The following COPS8 variants were observed in gnomAD, a reference collection of about 807,000 sequenced individuals.
COPS8 encodes the protein COP9 signalosome subunit 8.
COPS8 carries 11 observed loss-of-function variants against 31.5 expected under a neutral mutation model. The observed-to-expected ratio is 0.35, with a 90% CI of 0.22 to 0.58. COPS8 has a LOEUF of 0.58. Ranked by LOEUF, COPS8 falls within the 20% of genes least tolerant of loss-of-function variation. The pLI is 0.83. For missense variants in COPS8, 215 were observed against 255.1 expected, an observed-to-expected ratio of 0.84 and a Z score of 1.07; for synonymous variants, 81 against 89.3, an observed-to-expected ratio of 0.91 and a Z score of 0.52.
At chr2:237,097,180 T>A (rs1467023246) in intron 7 of COPS8, among the ~76,000 whole-genome samples, 2 of 151,844 alleles carry the variant, frequency 1.3e-5, no homozygotes, top group Non-Finnish European at 2.9e-5. Context: ...GTGTAGTAAT[T>A]TAAATGTTGG....
intron 4 of COPS8, among the ~76,000 whole-genome samples, chr2:237,092,642 C>T (rs1574837670): frequency 2.6e-5 from 4 of 151,912 alleles, no homozygotes; most frequent in African/African-American, 9.7e-5. Flanking sequence ...GAAAACGTTT[C>T]TTGGTATTGC....
chr2:237,091,255 A>G lies in COPS8; in HGVS notation c.331+1261A>G, dbSNP rs542694984. On this transcript the variant is annotated intron_variant, in intron 4 of 7. Coordinates refer to ENST00000354371, the MANE Select transcript of COPS8 (RefSeq NM_006710.5). ...CCCAGGAAAGGCTATATAGCGTACC[A>G]TGCGGGAGTTTAAGCTCTGGGTCCT... is the stretch of plus-strand genomic sequence containing the variant. Among the ~76,000 whole-genome samples the G allele has an allele frequency of 1.2e-3, 183 of 152,336 alleles. 1 individual carries two copies. The highest frequency in any genetic ancestry group is 4.2e-3 in the African/African-American group (174 of 41,572).
At chr2:237,087,442 T>G (rs1696639736) in intron 2 of COPS8, 1 of 503,098 alleles carries the variant, frequency 2.0e-6, no homozygotes, top group Admixed American at 3.6e-5. Context: ...GTAAATTCAT[T>G]TAACCTTTTT....
Position 237,095,882 on chromosome 2 carries a change from C to T in COPS8, c.500C>T (p.Pro167Leu), listed in dbSNP as rs114346618. Residue 167 changes from proline to leucine, a missense_variant and splice_region_variant, in exon 6 of 8, where the codon CCA becomes CTA. By Grantham distance (98) the Pro-to-Leu change is moderately conservative (BLOSUM62 -3). Transcript: ENST00000354371. ...ACAAGAATGGTTCTGCCCAGAAAGCCAGGTAGGTGGAGCTTTCACCCATTT... is the reference window on the plus strand; with the variant it reads ...ACAAGAATGGTTCTGCCCAGAAAGCTAGGTAGGTGGAGCTTTCACCCATTT... The part of the protein sequence containing the change: ...STTRMVLPRK[P>L]VAGALDVSFN... The T allele has an allele frequency of 3.7e-6, 6 of 1,610,454 alleles. No individual in the cohort carries two copies. The highest frequency in any genetic ancestry group is 1.3e-5 in the African/African-American group (1 of 74,928).
intron 4 of COPS8, among the ~76,000 whole-genome samples, chr2:237,091,107 A>G (rs1696698783): frequency 6.6e-6 from 1 of 151,692 alleles, no homozygotes; most frequent in African/African-American, 2.4e-5. Context: ...GGGCTTGGGA[A>G]CTCCTTACTC....
At position 237,095,731 on chromosome 2, in the gene COPS8, G is replaced by A. The variant is rs1482336003; in HGVS notation, c.440-91G>A. The stretch of plus-strand genomic sequence containing the variant: ...TGACGGGTTATACTAAACACATCAG[G>A]TCTTCTGTACAACTAATGTCATGGA... On this transcript the variant is annotated intron_variant, in intron 5 of 7. Transcript: ENST00000354371. The A allele has an allele frequency of 2.6e-5, 21 of 810,546 alleles. 1 individual carries two copies. Among genetic ancestry groups the A allele is most frequent in the Middle Eastern group, 4.4e-4 (2 of 4,510 alleles). The allele number at this position is 810,546 out of a possible 1,614,324, so 50.2% of individuals were successfully genotyped here.
At chr2:237,086,318 A>T (rs575399962) in intron 1 of COPS8, among the ~76,000 whole-genome samples, 1 of 151,984 alleles carries the variant, frequency 6.6e-6, no homozygotes, top group African/African-American at 2.4e-5. Context: ...AGCTCATATT[A>T]ATTAGGCATC....
In COPS8 at chr2:237,092,161, T is replaced by C. The variant is rs150768004; in HGVS notation, c.332-1929T>C. Among the ~76,000 whole-genome samples the C allele has an allele frequency of 3.4e-3, 522 of 152,316 alleles. 4 individuals carry two copies. The highest frequency in any genetic ancestry group is 0.02 in the Middle Eastern group (6 of 294). On this transcript the variant is annotated intron_variant, in intron 4 of 7. Transcript: ENST00000354371. ...GTTCCATCAACTACTGCCACAGATA[T>C]TAGGTGCTGGCTCAATTTATTCCAC...
rs897166186 is a variant in COPS8, at chr2:237,100,234, GAA to G, written c.*2494_*2495del. On this transcript the variant is annotated 3_prime_UTR_variant, in exon 8 of 8. Transcript: ENST00000354371. The stretch of plus-strand genomic sequence containing the variant: ...AGGGTAAGAAATTGAGATTGAGCAT[GAA>G]ATATGTCCAGTACATCCATCAGCCT... 6.6e-6 allele frequency: 1 copy of G among 152,190 alleles called. No individual in the cohort carries two copies. The highest frequency in any genetic ancestry group is 2.4e-5 in the African/African-American group (1 of 41,450). The allele number at this position is 152,190 out of a possible 1,614,324, so 9.4% of individuals were successfully genotyped here.
At chr2:237,091,301 T>C (rs571407692) in intron 4 of COPS8, among the ~76,000 whole-genome samples, 7 of 152,234 alleles carry the variant, frequency 4.6e-5, no homozygotes, top group Non-Finnish European at 7.3e-5. Flanking sequence ...GTTCAAATTC[T>C]GATTCTGTCA....
At chr2:237,091,649 C>T (rs973594202) in intron 4 of COPS8, among the ~76,000 whole-genome samples, 14 of 152,224 alleles carry the variant, frequency 9.2e-5, no homozygotes, top group African/African-American at 3.4e-4. Context: ...CTAAATTAGG[C>T]ACAGTCCTAT....
chr2:237,097,300 A>C (rs925350397), intron 7 of COPS8, among the ~76,000 whole-genome samples: 44 of 131,664 alleles, frequency 3.3e-4, no homozygotes, highest in Middle Eastern at 0.011. Context: ...GAAGCACTCT[A>C]TTTCTTGAAT....
rs765778911 is a variant in COPS8 at position 237,094,106 on chromosome 2, C to T, written c.348C>T (p.Arg116=). 10 of 1,613,312 alleles carry T rather than the reference C, an allele frequency of 6.2e-6. No individual in the cohort carries two copies. The South Asian group carries it at 6.6e-5, about 11-fold the overall frequency. ...CCACAATAGATGCAACAAGGAGACGCGCCTTTGCCCTGGTCTCTCAAGCGT... is the reference window on the plus strand; with the variant it reads ...CCACAATAGATGCAACAAGGAGACGTGCCTTTGCCCTGGTCTCTCAAGCGT... ...MEALRDATRR[R]AFALVSQAYT... is the part of the protein sequence containing the mutation. The change falls in exon 5 of 8, where the codon CGC becomes CGT. Residue 116 remains arginine (R), a synonymous_variant. Transcript: ENST00000354371.
intron 5 of COPS8, among the ~76,000 whole-genome samples, 167 bp downstream of exon 5, chr2:237,094,364 C>A (rs1696757663): frequency 6.6e-6 from 1 of 152,110 alleles, no homozygotes; most frequent in African/African-American, 2.4e-5. Flanking sequence ...CCAGCAGGCA[C>A]CCTGCAGTCA....
chr2:237,093,684 G>GC, intron 4 of COPS8: 2 of 986,328 alleles, frequency 2.0e-6, no homozygotes, highest in Non-Finnish European at 2.4e-6. Flanking sequence ...TATTAGAGAC[G>GC]TTTTTGAAAA....
intron 2 of COPS8, 129 bp downstream of exon 2, chr2:237,087,326 C>A: frequency 1.7e-6 from 1 of 596,268 alleles, no homozygotes; most frequent in Admixed American, 3.4e-5. Context: ...TAATTGTTAA[C>A]GTCTATTTCC....
intron 4 of COPS8, chr2:237,093,822 G>C (rs1696748104): frequency 9.1e-7 from 1 of 1,103,796 alleles, no homozygotes. Context: ...AGAGCCTTGT[G>C]TTTAGTAACC....
rs1375579039 is a variant in COPS8, at chr2:237,087,109, T to A, written c.79-18T>A. The stretch of plus-strand genomic sequence containing the variant: ...AATTTTGTGTTGTTTTGTTTTGTTT[T>A]CATTTTTGGCCTTCTAGGCCCCTGG... On this transcript the variant is annotated intron_variant, in intron 1 of 7. Transcript: ENST00000354371. The A allele has an allele frequency of 6.4e-7, 1 of 1,558,840 alleles. No individual in the cohort carries two copies. Among genetic ancestry groups the A allele is most frequent in the Non-Finnish European group, 8.7e-7 (1 of 1,152,040 alleles).
At position 237,095,821 on chromosome 2, in the gene COPS8, G is replaced by T; in HGVS notation, c.440-1G>T. The T allele has an allele frequency of 6.2e-7, 1 of 1,602,392 alleles. No homozygotes were observed. On this transcript the variant is annotated splice_acceptor_variant, in intron 5 of 7. Transcript: ENST00000354371. LOFTEE classifies it high-confidence loss of function. ...TCTTTATGTGTAATATACTTTTTTA[G>T]GCATATTAGAACAAGGATGGCAAGC...
Sources: allele counts gnomAD v4.1 joint callset (sites outside exome capture counted in the v4.1 genomes callset), GRCh38; gene constraint gnomAD v4.1.1; transcripts MANE v1.5; gene names NCBI Gene and HGNC (gene_info 2026-07-23, HGNC 2026-07-21).